SOBP: variants seen among roughly 807,000 people sequenced by gnomAD.
The protein encoded by SOBP is sine oculis-binding protein homolog.
A neutral mutation model predicts 53.6 loss-of-function variants in SOBP; 4 were observed. The observed-to-expected ratio is 0.07, with a 90% confidence interval of 0.04 to 0.17. The LOEUF is 0.17. Among genes scored for constraint, SOBP ranks in the 10% least tolerant of loss-of-function variants. The probability of loss-of-function intolerance (pLI) is 1.00; values close to 1 mark genes in which losing one functional copy is unlikely to be tolerated. For missense variants in SOBP, 1,088 were observed against 1,204.7 expected (o/e 0.90, Z 1.43); for synonymous variants, 584 against 522.6 (o/e 1.12, Z -1.60).
chr6:107,652,336 G>A (rs1771836141), intron 6 of SOBP, among the ~76,000 whole-genome samples: 1 of 152,216 alleles, frequency 6.6e-6, no homozygotes, highest in African/African-American at 2.4e-5. Flanking sequence ...ACTTTGAAGG[G>A]TTCAAGAGTT....
In SOBP at chr6:107,506,356, G is replaced by T; in HGVS notation, c.350G>T (p.Gly117Val). The change falls in exon 3 of 7, where the codon GGG becomes GTG. Residue 117 changes from glycine to valine, a missense_variant. Physicochemically the swap from Gly to Val is moderately radical, Grantham distance 109 (BLOSUM62 -3). Transcript: ENST00000317357. ...AATGGACTCAGTGACTCACCTGCAG[G>T]GTCAAAGGATCATGGCAGTGTGCCC... ...TGNGLSDSPA[G>V]SKDHGSVPII... is the part of the protein sequence containing the mutation. The T allele has an allele frequency of 1.2e-6, 2 of 1,614,120 alleles. No individual in the cohort carries two copies. The highest frequency in any genetic ancestry group is 1.7e-6 in the Non-Finnish European group (2 of 1,180,012).
intron 5 of SOBP, among the ~76,000 whole-genome samples, chr6:107,588,712 A>G (rs1160201451): frequency 1.3e-5 from 2 of 152,330 alleles, no homozygotes; most frequent in East Asian, 3.9e-4. Flanking sequence ...GGTTGTGGTC[A>G]GTTTATACTG....
chr6:107,607,583 A>T (rs990264858), intron 5 of SOBP, among the ~76,000 whole-genome samples: 1 of 152,230 alleles, frequency 6.6e-6, no homozygotes, highest in Non-Finnish European at 1.5e-5. Context: ...GCTAGCACTT[A>T]TCAAACTGAA....
chr6:107,586,866 A>G (rs745539918), intron 4 of SOBP, among the ~76,000 whole-genome samples: 63 of 152,228 alleles, frequency 4.1e-4, no homozygotes, highest in Admixed American at 3.3e-4. Flanking sequence ...ATATTACACC[A>G]CAATGAATTT....
chr6:107,506,530 G>A, intron 3 of SOBP, 103 bp downstream of exon 3: 1 of 1,282,968 alleles, frequency 7.8e-7, no homozygotes, highest in Admixed American at 1.7e-5. Flanking sequence ...GGTAGAGGCT[G>A]TTTTAGGGAC....
chr6:107,500,738 G>C (rs886271844), intron 1 of SOBP, among the ~76,000 whole-genome samples: 4 of 152,028 alleles, frequency 2.6e-5, no homozygotes, highest in Admixed American at 6.5e-5. Flanking sequence ...TGTTAGCCAG[G>C]ATGGTCTCGA....
At chr6:107,651,902 T>G (rs1397935793) in intron 6 of SOBP, among the ~76,000 whole-genome samples, 1 of 152,190 alleles carries the variant, frequency 6.6e-6, no homozygotes, top group Admixed American at 6.5e-5. Flanking sequence ...ACAGCACATC[T>G]CTTGATACCA....
At chr6:107,586,257 A>G (rs540740901) in intron 4 of SOBP, among the ~76,000 whole-genome samples, 3 of 152,350 alleles carry the variant, frequency 2.0e-5, no homozygotes, top group African/African-American at 7.2e-5. Flanking sequence ...AGTTAGGGCT[A>G]AGATGAGATG....
chr6:107,494,693 G>A (rs1782656315), intron 1 of SOBP, among the ~76,000 whole-genome samples: 2 of 152,206 alleles, frequency 1.3e-5, no homozygotes, highest in Non-Finnish European at 1.5e-5. Context: ...TGTGTTAAAT[G>A]TCAGAGATGC....
At chr6:107,616,047 GAA>G in intron 5 of SOBP, among the ~76,000 whole-genome samples, 1 of 114,194 alleles carries the variant, frequency 8.8e-6, no homozygotes, top group African/African-American at 3.4e-5. Context: ...AAAAAAAAAA[GAA>G]AAAAAAAGGA....
chr6:107,518,296 G>T (rs540928213), intron 3 of SOBP, among the ~76,000 whole-genome samples: 2 of 152,122 alleles, frequency 1.3e-5, no homozygotes, highest in South Asian at 4.1e-4. Context: ...GTGAGAGACC[G>T]GTAAACACAC....
rs769998930 is a variant in SOBP, at chr6:107,587,248, G to C, written c.669+73G>C. 5 of 1,176,458 alleles carry C rather than the reference G, an allele frequency of 4.3e-6. No homozygotes were observed. The African/African-American group carries it at 7.5e-5, about 18-fold the overall frequency. The allele number at this position is 1,176,458 out of a possible 1,614,324, so 72.9% of individuals were successfully genotyped here. A position where few individuals can be genotyped will look rare whatever the true frequency, so the allele number is the denominator to read the frequency against. ...GTGAAAACAGTTTTTGAAAGGGTTT[G>C]TTCATGATTACATAATTGATGAAAT... On this transcript the variant is annotated intron_variant, in intron 5 of 6. Transcript: ENST00000317357.
intron 4 of SOBP, among the ~76,000 whole-genome samples, chr6:107,558,750 G>A (rs57447288): frequency 0.087 from 13,202 of 151,246 alleles, 693 homozygotes; most frequent in East Asian, 0.16. Flanking sequence ...TTTTAGTTCC[G>A]GTATGTTAAT....
At chr6:107,558,954 G>A (rs1784698893) in intron 4 of SOBP, among the ~76,000 whole-genome samples, 3 of 151,796 alleles carry the variant, frequency 2.0e-5, no homozygotes, top group Admixed American at 2.0e-4. Flanking sequence ...TAATTTGTCT[G>A]TTGCCTGTTT....
At chr6:107,611,722 G>A (rs2115102617) in intron 5 of SOBP, among the ~76,000 whole-genome samples, 1 of 152,318 alleles carries the variant, frequency 6.6e-6, no homozygotes, top group Non-Finnish European at 1.5e-5. Context: ...AAGCTGTGCA[G>A]TGTTACCTCT....
chr6:107,656,327 GA>G (rs1156922071), intron 6 of SOBP, among the ~76,000 whole-genome samples: 7 of 6,342 alleles, frequency 1.1e-3, no homozygotes, highest in Non-Finnish European at 2.6e-3. Context: ...AAGAAAGAAA[GA>G]AAGAAAGAAA....
At chr6:107,505,355 C>T (rs1583150130) in intron 2 of SOBP, among the ~76,000 whole-genome samples, 2 of 151,888 alleles carry the variant, frequency 1.3e-5, no homozygotes, top group South Asian at 4.2e-4. Flanking sequence ...CAGAGTCTTG[C>T]TCTGTCACCT....
chr6:107,617,202 T>C (rs1231725089), intron 5 of SOBP, among the ~76,000 whole-genome samples: 8 of 152,212 alleles, frequency 5.3e-5, no homozygotes, highest in African/African-American at 1.9e-4. Context: ...AGTGTGGGGT[T>C]ATCTCCAAGG....
rs575722013 is a variant in SOBP at position 107,546,708 on chromosome 6, GAAAAACAAAACAAACAAACA to G, written c.573+13106_573+13125del. On this transcript the variant is annotated intron_variant, in intron 4 of 6. Transcript: ENST00000317357. ...TCACTATTTGAGGAGGCTCCTTTGA[GAAAAACAAAACAAACAAACA>G]AAAAACAGTATTTATGTCTTGAGTT... Among the ~76,000 whole-genome samples, 301 of 152,238 alleles carry G rather than the reference GAAAAACAAAACAAACAAACA, an allele frequency of 2.0e-3. 1 individual carries two copies. Among genetic ancestry groups the G allele is most frequent in the African/African-American group, 6.9e-3 (287 of 41,532 alleles).
Sources: allele counts gnomAD v4.1 joint callset (sites outside exome capture counted in the v4.1 genomes callset), GRCh38; gene constraint gnomAD v4.1.1; transcripts MANE v1.5; gene names NCBI Gene and HGNC (gene_info 2026-07-23, HGNC 2026-07-21).